The following PXDNL variants were observed in gnomAD, a reference collection of about 807,000 sequenced individuals.
PXDNL encodes the protein peroxidasin like.
In PXDNL, 145 loss-of-function variants were observed where a neutral mutation model predicts 150.8. That is an observed-to-expected ratio of 0.96 (90% CI 0.84 to 1.10). PXDNL has a LOEUF of 1.10. Among genes scored for constraint, PXDNL ranks in the 50% least tolerant of loss-of-function variants. PXDNL has a pLI of 0.00. For missense variants in PXDNL, 2,087 were observed against 1,873.9 expected, an observed-to-expected ratio of 1.11 and a Z score of -2.10; for synonymous variants, 757 against 725.7, an observed-to-expected ratio of 1.04 and a Z score of -0.69.
chr8:51,554,598 G>A (rs570715597), intron 4 of PXDNL, among the ~76,000 whole-genome samples: 29 of 152,164 alleles, frequency 1.9e-4, no homozygotes, highest in Admixed American at 5.2e-4. Flanking sequence ...CTCCTTCAAC[G>A]TTTTGCTTAG....
At chr8:51,539,951 T>A (rs573931079) in intron 4 of PXDNL, among the ~76,000 whole-genome samples, 1 of 149,500 alleles carries the variant, frequency 6.7e-6, no homozygotes, top group African/African-American at 2.5e-5. Flanking sequence ...TTTTTTTTTT[T>A]AGACAGAGTC....
Position 51,604,996 on chromosome 8 carries a change from A to C in PXDNL, c.237-12298T>G, listed in dbSNP as rs187125761. Among the ~76,000 whole-genome samples, 4 of 152,336 alleles carry C rather than the reference A, an allele frequency of 2.6e-5. No homozygotes were observed. The East Asian group carries it at 7.7e-4, about 29-fold the overall frequency. On this transcript the variant is annotated intron_variant, in intron 2 of 22. Transcript: ENST00000356297. Reference sequence around the variant, plus strand: ...ACATTTGCCCAAGTAAAACTAAAAGAAACAAAACTATTCAGAAATACCAAG... The same window carrying C: ...ACATTTGCCCAAGTAAAACTAAAAGCAACAAAACTATTCAGAAATACCAAG...
chr8:51,365,871 C>T (rs1038997083), intron 19 of PXDNL, among the ~76,000 whole-genome samples: 3 of 152,026 alleles, frequency 2.0e-5, no homozygotes, highest in African/African-American at 7.2e-5. Context: ...GCACCAGGCC[C>T]CAACAAACCA....
intron 5 of PXDNL, among the ~76,000 whole-genome samples, chr8:51,498,609 T>C (rs1811110787): frequency 6.6e-6 from 1 of 152,130 alleles, no homozygotes; most frequent in South Asian, 2.1e-4. Flanking sequence ...TGGAAAAGTG[T>C]AGACATCGTG....
In PXDNL at chr8:51,611,852, T is replaced by G. The variant is rs141423663; in HGVS notation, c.237-19154A>C. ...GGCACTTTGGAGGAAGGGTGGGAAC[T>G]GTCTGCGGAGTAGGAGGAGCGAGGC... On this transcript the variant is annotated intron_variant, in intron 2 of 22. Transcript: ENST00000356297. Among the ~76,000 whole-genome samples, 64 of 152,266 alleles carry G rather than the reference T, an allele frequency of 4.2e-4. No homozygotes were observed. The East Asian group carries it at 0.011, about 25-fold the overall frequency.
chr8:51,804,469 C>G (rs907315219), intron 1 of PXDNL, among the ~76,000 whole-genome samples: 1 of 152,126 alleles, frequency 6.6e-6, no homozygotes, highest in Non-Finnish European at 1.5e-5. Flanking sequence ...ATTTCACTGT[C>G]TTTGTTGCCC....
intron 4 of PXDNL, among the ~76,000 whole-genome samples, chr8:51,505,908 T>C (rs1181302453): frequency 2.0e-5 from 3 of 152,350 alleles, no homozygotes; most frequent in South Asian, 2.1e-4. Context: ...TTTAGCTTCA[T>C]TGCACAATAG....
intron 1 of PXDNL, among the ~76,000 whole-genome samples, chr8:51,706,804 C>G (rs1469805602): frequency 6.6e-6 from 1 of 152,144 alleles, no homozygotes; most frequent in Non-Finnish European, 1.5e-5. Flanking sequence ...TCTTACGCTC[C>G]TCTTTGCTAA....
chr8:51,517,186 C>T (rs949499390), intron 4 of PXDNL, among the ~76,000 whole-genome samples: 9 of 151,974 alleles, frequency 5.9e-5, no homozygotes, highest in African/African-American at 2.2e-4. Context: ...TATCAAGTAT[C>T]CACCCTGAGA....
chr8:51,494,660 A>G (rs1465705826), intron 5 of PXDNL, among the ~76,000 whole-genome samples: 1 of 152,166 alleles, frequency 6.6e-6, no homozygotes, highest in Non-Finnish European at 1.5e-5. Context: ...CTTTAAACCA[A>G]CAAAGATCAA....
At chr8:51,416,386 C>A (rs1291361151) in intron 14 of PXDNL, among the ~76,000 whole-genome samples, 1 of 152,126 alleles carries the variant, frequency 6.6e-6, no homozygotes, top group Non-Finnish European at 1.5e-5. Context: ...GATGTTTTTG[C>A]TTTTATTCTG....
chr8:51,446,425 A>G (rs1809676841), intron 12 of PXDNL, among the ~76,000 whole-genome samples: 1 of 152,244 alleles, frequency 6.6e-6, no homozygotes, highest in African/African-American at 2.4e-5. Flanking sequence ...AGCAGTAATT[A>G]ATAACAACCA....
chr8:51,705,084 T>C (rs1239158949), intron 1 of PXDNL, among the ~76,000 whole-genome samples: 1 of 152,214 alleles, frequency 6.6e-6, no homozygotes, highest in African/African-American at 2.4e-5. Flanking sequence ...CACTTGGTGA[T>C]AAGACTGAGA....
intron 2 of PXDNL, among the ~76,000 whole-genome samples, chr8:51,622,097 A>AAAAAGGATTTAGTGGGGC (rs1311740712): frequency 6.6e-6 from 1 of 152,200 alleles, no homozygotes; most frequent in Non-Finnish European, 1.5e-5. Flanking sequence ...TTCAAAGCAT[A>AAAAAGGATTTAGTGGGGC]AAAAGGATTT....
intron 1 of PXDNL, among the ~76,000 whole-genome samples, chr8:51,802,607 A>T (rs1053668514): frequency 2.0e-5 from 3 of 152,208 alleles, no homozygotes; most frequent in African/African-American, 7.2e-5. Context: ...TGACAATAAA[A>T]CTGTGCTGTG....
chr8:51,626,184 T>C (rs1020124126), intron 2 of PXDNL, among the ~76,000 whole-genome samples: 2 of 152,244 alleles, frequency 1.3e-5, no homozygotes, highest in African/African-American at 4.8e-5. Context: ...CATATAATAC[T>C]TGCTATGCAC....
At chr8:51,734,301 A>G (rs942261539) in intron 1 of PXDNL, among the ~76,000 whole-genome samples, 3 of 152,236 alleles carry the variant, frequency 2.0e-5, no homozygotes, top group African/African-American at 4.8e-5. Context: ...AATAAGAATC[A>G]AAGAAATTAA....
At chr8:51,565,742 A>G (rs890302820) in intron 3 of PXDNL, among the ~76,000 whole-genome samples, 2 of 151,892 alleles carry the variant, frequency 1.3e-5, no homozygotes, top group Non-Finnish European at 2.9e-5. Context: ...GCATCAGGTG[A>G]ATACATATAA....
intron 1 of PXDNL, among the ~76,000 whole-genome samples, chr8:51,743,951 A>AAGGAAGGAAGGAAG (rs1563306970): frequency 1.2e-4 from 1 of 8,322 alleles, no homozygotes; most frequent in Non-Finnish European, 4.4e-4. Context: ...AGAGAAAGAG[A>AAGGAAGGAAGGAAG]GAAAGAAAAA....
Sources: gnomAD v4.1 joint callset for allele counts (sites outside exome capture counted in the v4.1 genomes callset) on GRCh38, gnomAD v4.1.1 for gene constraint, MANE v1.5 for transcripts, NCBI Gene and HGNC (gene_info 2026-07-23, HGNC 2026-07-21) for gene names.